The following MTUS2 variants were observed in gnomAD, a reference collection of about 807,000 sequenced individuals.
MTUS2 encodes microtubule associated scaffold protein 2.
In MTUS2, 40 loss-of-function variants were observed where a neutral mutation model predicts 114.1. The ratio of observed to expected loss-of-function variants is 0.35; its 90% CI spans 0.27 to 0.46. The LOEUF is 0.46. MTUS2 is among the 20% of genes least tolerant of loss of function. The pLI, the probability that MTUS2 is intolerant of heterozygous loss-of-function variation, is 1.00. For missense variants in MTUS2, 1,679 were observed against 1,705.4 expected, an observed-to-expected ratio of 0.98 and a Z score of 0.27; for synonymous variants, 688 against 672.0, an observed-to-expected ratio of 1.02 and a Z score of -0.37.
intron 5 of MTUS2, among the ~76,000 whole-genome samples, chr13:29,134,506 A>G (rs1891893034): frequency 6.6e-6 from 1 of 152,188 alleles, no homozygotes; most frequent in African/African-American, 2.4e-5. Context: ...TTCTTTCTTC[A>G]GTTCCATCAG....
intron 5 of MTUS2, among the ~76,000 whole-genome samples, chr13:29,230,279 A>G (rs999854600): frequency 6.6e-6 from 1 of 152,176 alleles, no homozygotes; most frequent in African/African-American, 2.4e-5. Flanking sequence ...AATAAAAAAT[A>G]AAAATTACCA....
At chr13:29,375,970 C>G (rs1163658796) in intron 8 of MTUS2, among the ~76,000 whole-genome samples, 1 of 151,604 alleles carries the variant, frequency 6.6e-6, no homozygotes, top group African/African-American at 2.4e-5. Flanking sequence ...CCAGAAACCA[C>G]TAATACCCCA....
intron 5 of MTUS2, among the ~76,000 whole-genome samples, chr13:29,234,036 G>A (rs573366544): frequency 2.0e-5 from 3 of 152,276 alleles, no homozygotes; most frequent in African/African-American, 7.2e-5. Context: ...GTGAATTTCA[G>A]GTCAAGAGTC....
chr13:28,821,672 T>TGTAATGTTAAAAAGCTTTCCTG (rs1216535280), intron 1 of MTUS2, among the ~76,000 whole-genome samples: 1 of 152,248 alleles, frequency 6.6e-6, no homozygotes, highest in Non-Finnish European at 1.5e-5. Context: ...CCTTGATACC[T>TGTAATGTTAAAAAGCTTTCCTG]GTAATGTTAA....
At chr13:29,142,859 G>T (rs1321804523) in intron 5 of MTUS2, among the ~76,000 whole-genome samples, 1 of 152,202 alleles carries the variant, frequency 6.6e-6, no homozygotes. Flanking sequence ...AGCCAAGAGG[G>T]CATGTTGACT....
At chr13:29,256,618 G>A (rs568222813) in intron 5 of MTUS2, among the ~76,000 whole-genome samples, 1 of 152,338 alleles carries the variant, frequency 6.6e-6, no homozygotes, top group East Asian at 1.9e-4. Context: ...TATTTCATTG[G>A]CTAAAAACAG....
chr13:28,904,915 C>A (rs1351748465), intron 2 of MTUS2, among the ~76,000 whole-genome samples: 8 of 151,618 alleles, frequency 5.3e-5, no homozygotes, highest in Non-Finnish European at 7.4e-5. Context: ...TTGTTTGTAT[C>A]CTCTTTTATT....
At chr13:29,249,162 AT>A (rs1313835220) in intron 5 of MTUS2, among the ~76,000 whole-genome samples, 2 of 151,444 alleles carry the variant, frequency 1.3e-5, no homozygotes, top group South Asian at 4.2e-4. Flanking sequence ...TAATTTTTGC[AT>A]TTTTTTTAGT....
At chr13:29,191,206 C>G (rs900189632) in intron 5 of MTUS2, among the ~76,000 whole-genome samples, 6 of 151,968 alleles carry the variant, frequency 3.9e-5, no homozygotes, top group Non-Finnish European at 8.8e-5. Context: ...TTGAGGCTGT[C>G]TTTTTTGATG....
intron 5 of MTUS2, among the ~76,000 whole-genome samples, chr13:29,218,771 A>G (rs1593181276): frequency 1.3e-5 from 2 of 152,200 alleles, no homozygotes; most frequent in Admixed American, 6.5e-5. Flanking sequence ...GTAGATCTCA[A>G]CAGTGGACTT....
Position 29,011,290 on chromosome 13 carries a change from A to G in MTUS2, c.-242-13167A>G, listed in dbSNP as rs78931285. ...TGTTTGATTTTTGTTGCTTTGAGAA[A>G]TTGTCTATTCTGATAATGAAGATGT... On this transcript the variant is annotated intron_variant, in intron 2 of 15. Transcript: ENST00000612955. Among the ~76,000 whole-genome samples the G allele has an allele frequency of 5.3e-5, 8 of 152,286 alleles. No individual in the cohort carries two copies. The East Asian group carries it at 1.5e-3, about 29-fold the overall frequency.
chr13:29,099,099 G>A (rs1890301463), intron 4 of MTUS2, among the ~76,000 whole-genome samples: 1 of 152,168 alleles, frequency 6.6e-6, no homozygotes. Flanking sequence ...TCACTGTTCT[G>A]GGGATATGAA....
chr13:29,147,589 C>T (rs559727811), intron 5 of MTUS2, among the ~76,000 whole-genome samples: 1 of 152,216 alleles, frequency 6.6e-6, no homozygotes, highest in East Asian at 1.9e-4. Context: ...TCCCTTCTCT[C>T]TCTCTCCCCG....
intron 5 of MTUS2, among the ~76,000 whole-genome samples, chr13:29,146,156 T>TA (rs1447329206): frequency 1.3e-5 from 2 of 152,222 alleles, no homozygotes; most frequent in African/African-American, 2.4e-5. Flanking sequence ...TCCCAAAGAA[T>TA]GTCAACACCT....
intron 5 of MTUS2, among the ~76,000 whole-genome samples, chr13:29,113,810 C>T (rs977532164): frequency 1.3e-5 from 2 of 152,106 alleles, no homozygotes; most frequent in Non-Finnish European, 2.9e-5. Context: ...GTTGGTGATA[C>T]GGTTTGGATG....
At chr13:28,835,570 A>G (rs1875023076) in intron 1 of MTUS2, among the ~76,000 whole-genome samples, 1 of 152,138 alleles carries the variant, frequency 6.6e-6, no homozygotes, top group Non-Finnish European at 1.5e-5. Context: ...CTGGAATTTG[A>G]TAGTGGCGAT....
At chr13:29,203,609 A>G (rs1177828298) in intron 5 of MTUS2, among the ~76,000 whole-genome samples, 1 of 151,600 alleles carries the variant, frequency 6.6e-6, no homozygotes, top group Non-Finnish European at 1.5e-5. Flanking sequence ...TGTCTACCAA[A>G]TGGCTGCACA....
chr13:29,141,397 T>G (rs1593521301), intron 5 of MTUS2, among the ~76,000 whole-genome samples: 2 of 152,034 alleles, frequency 1.3e-5, no homozygotes, highest in Admixed American at 6.6e-5. Context: ...AGGCAGATAG[T>G]GAGTAGAGGA....
intron 5 of MTUS2, among the ~76,000 whole-genome samples, chr13:29,248,793 C>T (rs1360956675): frequency 3.3e-5 from 5 of 152,158 alleles, no homozygotes; most frequent in Non-Finnish European, 7.3e-5. Context: ...CATGTTCCTG[C>T]AAAGGACATG....
Sources: gnomAD v4.1 joint callset for allele counts (sites outside exome capture counted in the v4.1 genomes callset) on GRCh38, gnomAD v4.1.1 for gene constraint, MANE v1.5 for transcripts, NCBI Gene and HGNC (gene_info 2026-07-23, HGNC 2026-07-21) for gene names.